The following ASPH variants were observed in gnomAD, a reference collection of about 807,000 sequenced individuals.
ASPH encodes the protein aspartate beta-hydroxylase, also known as aspartyl/asparaginyl beta-hydroxylase.
ASPH carries 100 observed loss-of-function variants against 118.4 expected under a neutral mutation model. The observed-to-expected ratio is 0.84, with a 90% CI of 0.72 to 1.00. ASPH has a LOEUF of 1.00. ASPH is among the 50% of genes least tolerant of loss of function. The probability of loss-of-function intolerance (pLI) is 0.00; values close to 1 mark genes in which losing one functional copy is unlikely to be tolerated. For missense variants in ASPH, 920 were observed against 919.5 expected, an observed-to-expected ratio of 1.00 and a Z score of -0.01; for synonymous variants, 315 against 325.6, an observed-to-expected ratio of 0.97 and a Z score of 0.35.
At chr8:61,673,563 A>C (rs1006439243) in intron 3 of ASPH, among the ~76,000 whole-genome samples, 2 of 152,220 alleles carry the variant, frequency 1.3e-5, no homozygotes, top group East Asian at 1.9e-4. Flanking sequence ...GTATAACTTA[A>C]AATTCCATAA....
chr8:61,701,816 T>C (rs1357448302), intron 1 of ASPH, among the ~76,000 whole-genome samples: 2 of 152,216 alleles, frequency 1.3e-5, no homozygotes, highest in African/African-American at 4.8e-5. Context: ...AAATTACCAG[T>C]ATTAAATGGC....
chr8:61,608,397 C>T (rs1846230929), intron 14 of ASPH, among the ~76,000 whole-genome samples: 2 of 152,168 alleles, frequency 1.3e-5, no homozygotes, highest in Admixed American at 6.5e-5. Flanking sequence ...GTATTCTGTC[C>T]ACGCCATGAG....
intron 21 of ASPH, among the ~76,000 whole-genome samples, chr8:61,541,952 C>T (rs1039318731): frequency 3.3e-5 from 5 of 152,172 alleles, no homozygotes; most frequent in Non-Finnish European, 5.9e-5. Context: ...AAGTCAGTAA[C>T]TTTGACAGCA....
At chr8:61,570,350 C>T (rs1833101820) in intron 16 of ASPH, among the ~76,000 whole-genome samples, 1 of 152,006 alleles carries the variant, frequency 6.6e-6, no homozygotes, top group Admixed American at 6.5e-5. Flanking sequence ...AATTGTAAAC[C>T]ATCTGTGGTT....
Position 61,584,040 on chromosome 8 carries a change from A to G in ASPH, c.977-11T>C, listed in dbSNP as rs1465411962. The G allele has an allele frequency of 6.9e-7, 1 of 1,455,476 alleles. No individual in the cohort carries two copies. Among genetic ancestry groups the G allele is most frequent in the African/African-American group, 1.4e-5 (1 of 69,478 alleles). The allele number at this position is 1,455,476 out of a possible 1,614,324, so 90.2% of individuals were successfully genotyped here. A position where few individuals can be genotyped will look rare whatever the true frequency, so the allele number is the denominator to read the frequency against. On this transcript the variant is annotated splice_polypyrimidine_tract_variant and intron_variant, in intron 14 of 24. Coordinates refer to ENST00000379454, the MANE Select transcript of ASPH (RefSeq NM_004318.4). Reference sequence around the variant, plus strand: ...GCTTCTTTTTCTTAACTGAAAGAAAAAAGAGATTTTTATTTTTAACGTTTT... The same window carrying G: ...GCTTCTTTTTCTTAACTGAAAGAAAGAAGAGATTTTTATTTTTAACGTTTT...
chr8:61,675,933 G>A (rs1423684272), intron 3 of ASPH: 87 of 1,495,046 alleles, frequency 5.8e-5, no homozygotes, highest in Non-Finnish European at 7.3e-5. Flanking sequence ...AGCTGTACTG[G>A]GCAAGATCAC....
At chr8:61,689,630 G>A (rs377619250) in intron 1 of ASPH, 8 of 1,536,510 alleles carry the variant, frequency 5.2e-6, no homozygotes, top group Non-Finnish European at 7.1e-6. Context: ...AAAGCTGTCA[G>A]CTAGATCTAA....
chr8:61,670,790 A>C (rs932280680), intron 3 of ASPH, among the ~76,000 whole-genome samples: 2 of 151,976 alleles, frequency 1.3e-5, no homozygotes, highest in African/African-American at 4.8e-5. Context: ...TGAGACAAGA[A>C]ACAATAGCTC....
chr8:61,566,067 A>G (rs1489551285), intron 17 of ASPH, among the ~76,000 whole-genome samples: 1 of 152,216 alleles, frequency 6.6e-6, no homozygotes, highest in Admixed American at 6.5e-5. Flanking sequence ...ATGGAGATGT[A>G]TAAGGAGGTG....
At chr8:61,695,217 C>T (rs1282635056) in intron 1 of ASPH, among the ~76,000 whole-genome samples, 1 of 152,230 alleles carries the variant, frequency 6.6e-6, no homozygotes, top group Admixed American at 6.5e-5. Context: ...ACTTAGCATA[C>T]ACTTTTCTAC....
At chr8:61,586,600 C>A (rs916690405) in intron 14 of ASPH, among the ~76,000 whole-genome samples, 1 of 152,148 alleles carries the variant, frequency 6.6e-6, no homozygotes, top group Non-Finnish European at 1.5e-5. Context: ...TACATAGATA[C>A]CTTTTATTTT....
At chr8:61,537,822 T>C (rs1820216798) in intron 21 of ASPH, among the ~76,000 whole-genome samples, 2 of 152,192 alleles carry the variant, frequency 1.3e-5, no homozygotes, top group Non-Finnish European at 2.9e-5. Flanking sequence ...AGCCAATTTG[T>C]AGGTCTTTTT....
At chr8:61,682,857 A>G (rs1022607339) in intron 2 of ASPH, among the ~76,000 whole-genome samples, 1 of 152,142 alleles carries the variant, frequency 6.6e-6, no homozygotes, top group East Asian at 1.9e-4. Flanking sequence ...AACATTGTAC[A>G]TAGACACAAG....
Position 61,618,999 on chromosome 8 carries a change from C to A in ASPH, c.955G>T (p.Asp319Tyr), listed in dbSNP as rs762085250. ...VPPETNRKTD[D>Y]PEQKAKVKKK... ...TCACCTTTTGCTTTTTGTTCTGGAT[C>A]ATCTGTTTTTCTATTTGTTTCTGAA... The change falls in exon 14 of 25, where the codon GAT (aspartate) becomes TAT (tyrosine). Residue 319 changes from aspartate to tyrosine, a missense_variant. By Grantham distance (160) the Asp-to-Tyr change is radical. Coordinates refer to ENST00000379454, the MANE Select transcript of ASPH (RefSeq NM_004318.4). The A allele has an allele frequency of 3.1e-6, 5 of 1,605,340 alleles. No homozygotes were observed. The African/African-American group carries it at 5.4e-5, about 17-fold the overall frequency.
chr8:61,538,294 T>C (rs1820419189), intron 21 of ASPH, among the ~76,000 whole-genome samples: 1 of 152,238 alleles, frequency 6.6e-6, no homozygotes, highest in African/African-American at 2.4e-5. Context: ...ATTGTTGTTT[T>C]GTTGACATCT....
intron 16 of ASPH, among the ~76,000 whole-genome samples, chr8:61,575,300 A>G (rs375664945): frequency 1.6e-4 from 24 of 152,284 alleles, no homozygotes; most frequent in East Asian, 9.6e-4. Flanking sequence ...CTTTAAGTAC[A>G]TATTTATTTA....
chr8:61,670,227 A>C (rs1821744576), intron 3 of ASPH, among the ~76,000 whole-genome samples: 1 of 152,018 alleles, frequency 6.6e-6, no homozygotes, highest in African/African-American at 2.4e-5. Context: ...AGAGTAAAGA[A>C]AAAAAAATTT....
chr8:61,682,337 A>AGG (rs1828503354), intron 2 of ASPH: 7 of 1,249,142 alleles, frequency 5.6e-6, no homozygotes, highest in Non-Finnish European at 6.8e-6. Flanking sequence ...AATTGGTCCT[A>AGG]TCACTTATAT....
At chr8:61,626,258 A>G (rs1403202569) in intron 13 of ASPH, 1 of 1,563,586 alleles carries the variant, frequency 6.4e-7, no homozygotes. Flanking sequence ...TGGTAGGGGC[A>G]GTCTTTTTGA....
Sources: allele counts gnomAD v4.1 joint callset (sites outside exome capture counted in the v4.1 genomes callset), GRCh38; gene constraint gnomAD v4.1.1; transcripts MANE v1.5; gene names NCBI Gene and HGNC (gene_info 2026-07-23, HGNC 2026-07-21).